Variants in DBR1 observed in about 807,000 individuals in gnomAD.
DBR1 encodes debranching RNA lariats 1.
A neutral mutation model predicts 45.9 loss-of-function variants in DBR1; 33 were observed. The observed-to-expected ratio is 0.72, with a 90% confidence interval of 0.55 to 0.96. The LOEUF is 0.96. DBR1 is among the 40% of genes least tolerant of loss of function. The pLI is 0.00. For synonymous variants in DBR1, 235 were observed against 235.9 expected, an observed-to-expected ratio of 1.00 and a Z score of 0.04; for missense variants, 619 against 667.4, an observed-to-expected ratio of 0.93 and a Z score of 0.80.
chr3:138,174,023 GAAAA>G (rs138787515), intron 1 of DBR1, among the ~76,000 whole-genome samples: 1 of 123,916 alleles, frequency 8.1e-6, no homozygotes, highest in Non-Finnish European at 1.7e-5. Context: ...TCTGTCTCAA[GAAAA>G]AAAAAAAAAA....
chr3:138,162,409 G>A lies in DBR1; in HGVS notation c.1115C>T (p.Ala372Val), dbSNP rs1222725956. ...RINPQTTEFC[A>V]QLGIIDINVR... ...ATTGATGTCTATGATGCCAAGTTGG[G>A]CACAAAATTCAGTTGTCTGAGGATT... The change falls in exon 8 of 8, where the codon GCC (alanine) becomes GTC (valine). Residue 372 changes from alanine (A) to valine (V), a missense_variant. Ala to Val is a moderately conservative substitution (Grantham distance 64). Around this residue, in one of 3 missense-constraint regions of DBR1, gnomAD observed 7 missense variants for 23.6 expected, o/e 0.30. Coordinates refer to ENST00000260803, the MANE Select transcript of DBR1 (RefSeq NM_016216.4). 6 of 1,613,966 alleles carry A rather than the reference G, an allele frequency of 3.7e-6. No individual in the cohort carries two copies. The highest frequency in any genetic ancestry group is 1.6e-4 in the Middle Eastern group (1 of 6,084).
At chr3:138,164,093 AATG>A (rs2042919746) in intron 5 of DBR1, 6 of 349,346 alleles carry the variant, frequency 1.7e-5, no homozygotes, top group African/African-American at 2.1e-5. Flanking sequence ...GGCAAAAACT[AATG>A]ATGATGATGA....
chr3:138,169,825 C>T (rs777686437), intron 4 of DBR1, among the ~76,000 whole-genome samples: 75 of 152,052 alleles, frequency 4.9e-4, no homozygotes, highest in Non-Finnish European at 8.2e-4. Context: ...TCCAGCTACT[C>T]AGAAGGTTGA....
At chr3:138,173,699 A>AAG (rs1400387502) in intron 1 of DBR1, 73 bp from the exon 2 acceptor site, 2 of 1,485,368 alleles carry the variant, frequency 1.3e-6, no homozygotes, top group African/African-American at 2.8e-5. Flanking sequence ...GAAAAAAAAA[A>AAG]AGAAACTGAG....
chr3:138,170,326 T>G, intron 3 of DBR1, 134 bp from the exon 4 acceptor site: 1 of 585,178 alleles, frequency 1.7e-6, no homozygotes, highest in Non-Finnish European at 2.9e-6. Context: ...CTAGGGAAAT[T>G]TTTTAAAAAG....
At chr3:138,170,408 G>A (rs2042948894) in intron 3 of DBR1, among the ~76,000 whole-genome samples, 1 of 152,112 alleles carries the variant, frequency 6.6e-6, no homozygotes, top group African/African-American at 2.4e-5. Flanking sequence ...TCCCACACAT[G>A]GTTGCTGGCA....
chr3:138,162,653 C>A, intron 7 of DBR1, 71 bp from the exon 8 acceptor site: 1 of 1,297,546 alleles, frequency 7.7e-7, no homozygotes, highest in Non-Finnish European at 1.1e-6. Flanking sequence ...AATCTAATTA[C>A]AGACTTCAGG....
chr3:138,174,470 AT>A, intron 1 of DBR1, 128 bp downstream of exon 1: 3 of 960,032 alleles, frequency 3.1e-6, no homozygotes, highest in South Asian at 3.3e-5. Context: ...TCACCCCTGT[AT>A]TCAGTTAGGC....
chr3:138,161,059 C>T lies in DBR1; in HGVS notation c.*830G>A, dbSNP rs2042904195. On this transcript the variant is annotated 3_prime_UTR_variant, in exon 8 of 8. Coordinates refer to ENST00000260803, the MANE Select transcript of DBR1 (RefSeq NM_016216.4). ...TTCCTGAAATCTTATATACCATCTT[C>T]AATTTCAATTTTTATTTGACAGATA... is the stretch of plus-strand genomic sequence containing the variant. 6.6e-6 allele frequency: 1 copy of T among 152,062 alleles called. No individual in the cohort carries two copies. Among genetic ancestry groups the T allele is most frequent in the Non-Finnish European group, 1.5e-5 (1 of 68,014 alleles). 9.4% of individuals were successfully genotyped at this position (152,062 alleles called of 1,614,324 possible).
Position 138,163,456 on chromosome 3 carries a change from G to A in DBR1, c.834C>T (p.Tyr278=). 1 of 1,610,418 alleles carries A rather than the reference G, an allele frequency of 6.2e-7. No individual in the cohort carries two copies. The highest frequency in any genetic ancestry group is 8.5e-7 in the Non-Finnish European group (1 of 1,176,914). Residue 278 remains tyrosine, a synonymous_variant, in exon 7 of 8, where the codon TAC becomes TAT. Transcript: ENST00000260803. The stretch of plus-strand genomic sequence containing the variant: ...TGAGCCATTCAATATCATATTCCAA[G>A]TAATCAGGAGCACTGGGGTCATGTT... ...EIEHDPSAPD[Y]LEYDIEWLTI... is the part of the protein sequence containing the mutation.
rs150586900 is a variant in DBR1, at chr3:138,171,676, G to T, written c.360C>A (p.Ile120=). Residue 120 remains isoleucine (I), a synonymous_variant, in exon 3 of 8, where the codon ATC becomes ATA. Transcript: ENST00000260803. ...ATTTAAAGATACCAGAGATTCCACC[G>T]ATCCTTACACCTCGGTATTTTACCA... ...AGVVKYRGVR[I]GGISGIFKSH... is the part of the protein sequence containing the mutation. 2 of 1,613,220 alleles carry T rather than the reference G, an allele frequency of 1.2e-6. No individual in the cohort carries two copies. The highest frequency in any genetic ancestry group is 1.3e-5 in the African/African-American group (1 of 74,790).
chr3:138,164,174 G>A (rs1245573490), intron 5 of DBR1: 1 of 168,856 alleles, frequency 5.9e-6, no homozygotes, highest in Non-Finnish European at 1.3e-5. Flanking sequence ...ATAAACAAAA[G>A]AGCTTAAAAG....
Position 138,174,601 on chromosome 3 carries a change from G to A in DBR1, c.195C>T (p.Tyr65=), listed in dbSNP as rs762149502. The change falls in exon 1 of 8, where the codon TAC becomes TAT. Residue 65 remains tyrosine, a splice_region_variant and synonymous_variant. Transcript: ENST00000260803. ...TCCGGGCCCGGCCGCGTCCTCACCTGTAGAAGGTTTGCATGTGACGATACT... is the reference window on the plus strand; with the variant it reads ...TCCGGGCCCGGCCGCGTCCTCACCTATAGAAGGTTTGCATGTGACGATACT... ...PPKYRHMQTF[Y]RYYSGEKKAP... is the part of the protein sequence containing the mutation. 11 of 1,606,316 alleles carry A rather than the reference G, an allele frequency of 6.8e-6. No individual in the cohort carries two copies. The South Asian group carries it at 1.1e-4, about 16-fold the overall frequency.
intron 4 of DBR1, among the ~76,000 whole-genome samples, chr3:138,167,848 G>A (rs1175451055): frequency 6.6e-6 from 1 of 152,132 alleles, no homozygotes; most frequent in Non-Finnish European, 1.5e-5. Context: ...TAGGGAGACT[G>A]AGGCAGGAGA....
chr3:138,164,885 GA>G (rs2042923369), intron 5 of DBR1, among the ~76,000 whole-genome samples: 2 of 152,190 alleles, frequency 1.3e-5, no homozygotes, highest in Non-Finnish European at 2.9e-5. Flanking sequence ...GGCCTCAAGT[GA>G]TCCACCCGCC....
chr3:138,166,138 T>C (rs1426684221), intron 5 of DBR1, among the ~76,000 whole-genome samples: 1 of 152,198 alleles, frequency 6.6e-6, no homozygotes, highest in Non-Finnish European at 1.5e-5. Flanking sequence ...TCTCAGAAAT[T>C]CTCTACATGT....
chr3:138,163,898 AC>A, intron 5 of DBR1, 40 bp from the exon 6 acceptor site: 1 of 1,442,712 alleles, frequency 6.9e-7, no homozygotes, highest in Non-Finnish European at 9.7e-7. Flanking sequence ...GAATGTTAAA[AC>A]AACCACAGGT....
In DBR1 at chr3:138,173,483, C is replaced by T. The variant is rs774403237; in HGVS notation, c.322+19G>A. 1 of 1,612,164 alleles carries T rather than the reference C, an allele frequency of 6.2e-7. No individual in the cohort carries two copies. Among genetic ancestry groups the T allele is most frequent in the South Asian group, 1.1e-5 (1 of 90,896 alleles). On this transcript the variant is annotated intron_variant, in intron 2 of 7. Coordinates refer to ENST00000260803, the MANE Select transcript of DBR1 (RefSeq NM_016216.4). ...TTCCATCCCAGGAAAAAAAAGTATC[C>T]ACAAACACAATCACATACCTAAATA...
intron 5 of DBR1, among the ~76,000 whole-genome samples, chr3:138,166,714 A>G (rs1280654002): frequency 2.6e-5 from 4 of 152,064 alleles, no homozygotes; most frequent in Admixed American, 6.6e-5. Context: ...CAAGTCCCCA[A>G]ACACCCCATG....
Sources: allele counts gnomAD v4.1 joint callset (sites outside exome capture counted in the v4.1 genomes callset), GRCh38; gene constraint gnomAD v4.1.1; regional missense constraint gnomAD v4.1.1; transcripts MANE v1.5; gene names NCBI Gene and HGNC (gene_info 2026-07-23, HGNC 2026-07-21).